The following PLCG2 variants were observed in gnomAD, a reference collection of about 807,000 sequenced individuals.
The protein encoded by PLCG2 is 1-phosphatidylinositol 4,5-bisphosphate phosphodiesterase gamma-2.
Under a neutral mutation model 175.6 loss-of-function variants are expected in PLCG2, and 69 were observed. That is an observed-to-expected ratio of 0.39 (90% confidence interval 0.32 to 0.48). The LOEUF (loss-of-function observed/expected upper bound fraction) is 0.48. PLCG2 is among the 20% of genes least tolerant of loss of function. PLCG2 has a pLI of 0.91. For missense variants in PLCG2, 1,798 were observed against 1,650.9 expected (o/e 1.09, Z -1.54); for synonymous variants, 827 against 624.0 (o/e 1.33, Z -4.85).
chr16:81,769,629 A>T (rs1910230212), intron 2 of PLCG2, among the ~76,000 whole-genome samples: 1 of 151,924 alleles, frequency 6.6e-6, no homozygotes, highest in South Asian at 2.1e-4. Flanking sequence ...CCCGGCTAAA[A>T]AAACGGTGAA....
chr16:81,764,526 T>A (rs1399221530), intron 2 of PLCG2, among the ~76,000 whole-genome samples: 1 of 152,226 alleles, frequency 6.6e-6, no homozygotes, highest in Admixed American at 6.5e-5. Flanking sequence ...GCGACACTGA[T>A]CACTGGCCAA....
intron 30 of PLCG2, among the ~76,000 whole-genome samples, chr16:81,945,801 G>A (rs969910935): frequency 6.6e-6 from 1 of 152,160 alleles, no homozygotes; most frequent in Non-Finnish European, 1.5e-5. Context: ...GGCTGTAAGT[G>A]GAGGAAATGG....
At chr16:81,860,174 T>TATTATTATTATTTTTA in intron 5 of PLCG2, among the ~76,000 whole-genome samples, 1 of 96,616 alleles carries the variant, frequency 1.0e-5, no homozygotes, top group South Asian at 3.3e-4. Flanking sequence ...TTATTATTAT[T>TATTATTATTATTTTTA]TTTTTTTTTT....
intron 2 of PLCG2, among the ~76,000 whole-genome samples, chr16:81,772,668 A>C (rs4889379): frequency 0.28 from 41,948 of 150,034 alleles, 6,770 homozygotes; most frequent in East Asian, 0.54. Context: ...AAAAAAAAAA[A>C]AAAGCTGGGT....
At chr16:81,853,068 C>T (rs577559591) in intron 2 of PLCG2, among the ~76,000 whole-genome samples, 5 of 152,192 alleles carry the variant, frequency 3.3e-5, no homozygotes, top group Non-Finnish European at 5.9e-5. Flanking sequence ...CGCTGGCTCA[C>T]GCCTGTAATC....
intron 30 of PLCG2, among the ~76,000 whole-genome samples, chr16:81,944,886 C>G (rs919036502): frequency 6.6e-6 from 1 of 152,056 alleles, no homozygotes; most frequent in African/African-American, 2.4e-5. Flanking sequence ...GTAAAAGTTT[C>G]GTACAATCTA....
intron 2 of PLCG2, among the ~76,000 whole-genome samples, chr16:81,832,110 G>C (rs541185574): frequency 1.1e-4 from 16 of 152,082 alleles, no homozygotes; most frequent in Middle Eastern, 3.4e-3. Flanking sequence ...AATGGAGGGG[G>C]GGAATAGTGA....
At chr16:81,891,392 G>C (rs553386753) in intron 10 of PLCG2, 80 bp from the exon 11 acceptor site, 2 of 831,894 alleles carry the variant, frequency 2.4e-6, no homozygotes, top group East Asian at 2.4e-5. Flanking sequence ...CTTCCCCCCT[G>C]GTGGGCGCAG....
chr16:81,906,513 C>T (rs1430751406), intron 15 of PLCG2: 2 of 152,238 alleles, frequency 1.3e-5, no homozygotes, highest in Admixed American at 6.5e-5. Context: ...CAGACTCCAC[C>T]TCCCGGTTGA....
In PLCG2 at chr16:81,919,653, C is replaced by A; in HGVS notation, c.2224C>A (p.Arg742Ser). Residue 742 changes from arginine to serine, a missense_variant, in exon 20 of 33, where the codon CGC (arginine) becomes AGC (serine). Arg to Ser is a moderately radical substitution (Grantham distance 110). Transcript: ENST00000564138. ...CCCCGTGACCCCCGAGCTCCTGGAG[C>A]GCTACAATATGGTAGGTGGTGGACT... is the stretch of plus-strand genomic sequence containing the variant. Reference protein sequence around the residue: ...RYPVTPELLERYNMERDINSL... With the variant: ...RYPVTPELLESYNMERDINSL... 1 of 1,613,520 alleles carries A rather than the reference C, an allele frequency of 6.2e-7. No homozygotes were observed. The highest frequency in any genetic ancestry group is 8.5e-7 in the Non-Finnish European group (1 of 1,179,552).
At chr16:81,809,096 C>T (rs1172602312) in intron 2 of PLCG2, among the ~76,000 whole-genome samples, 1 of 152,150 alleles carries the variant, frequency 6.6e-6, no homozygotes, top group African/African-American at 2.4e-5. Context: ...TAAGCCAGGC[C>T]TGGTCTCTCT....
At chr16:81,827,884 A>G (rs1905107109) in intron 2 of PLCG2, among the ~76,000 whole-genome samples, 1 of 152,092 alleles carries the variant, frequency 6.6e-6, no homozygotes, top group African/African-American at 2.4e-5. Flanking sequence ...TGAGGTCGGG[A>G]GTTCAAGTCC....
chr16:81,797,293 A>G (rs1597323858), intron 2 of PLCG2, among the ~76,000 whole-genome samples: 1 of 150,908 alleles, frequency 6.6e-6, no homozygotes, highest in African/African-American at 2.4e-5. Flanking sequence ...AAAAAAAAAA[A>G]TTATCTCCAC....
At chr16:81,826,923 C>T (rs113495987) in intron 2 of PLCG2, among the ~76,000 whole-genome samples, 90 of 152,280 alleles carry the variant, frequency 5.9e-4, no homozygotes, top group African/African-American at 8.9e-4. Context: ...GCTGGAGATC[C>T]GCAGAACCAG....
Position 81,900,523 on chromosome 16 carries a change from G to A in PLCG2, c.1194-89G>A, listed in dbSNP as rs370195947. 362 of 1,239,252 alleles carry A rather than the reference G, an allele frequency of 2.9e-4. 1 individual carries two copies. In the African/African-American group the frequency reaches 4.6e-3, roughly 16 times the overall value. The allele number at this position is 1,239,252 out of a possible 1,614,324, so 76.8% of individuals were successfully genotyped here. ...CCCCGAGCAGCGCCCGGTTTCTGTC[G>A]TCCCAGGGAGCTGCCCTGGCCCCTC... is the stretch of plus-strand genomic sequence containing the variant. On this transcript the variant is annotated intron_variant, in intron 13 of 32. Transcript: ENST00000564138.
intron 1 of PLCG2, chr16:81,740,537 T>G (rs4544235): frequency 0.48 from 71,989 of 151,352 alleles, 19,561 homozygotes; most frequent in East Asian, 0.73. Context: ...AGTCGGGAGT[T>G]TGAGACCAGC....
intron 7 of PLCG2, among the ~76,000 whole-genome samples, chr16:81,876,249 C>G (rs904910166): frequency 6.6e-6 from 1 of 152,062 alleles, no homozygotes; most frequent in Non-Finnish European, 1.5e-5. Flanking sequence ...GCTTGAACTC[C>G]TGGGCTCAAG....
At chr16:81,891,376 G>A (rs1013466566) in intron 10 of PLCG2, 96 bp from the exon 11 acceptor site, 4 of 765,892 alleles carry the variant, frequency 5.2e-6, no homozygotes, top group African/African-American at 1.7e-5. Flanking sequence ...CCGCATCAGA[G>A]CTGTTCTTCC....
chr16:81,778,056 A>AAAAAAAAAAAC (rs1910517897), upstream of PLCG2, among the ~76,000 whole-genome samples: 1 of 103,936 alleles, frequency 9.6e-6, no homozygotes. Context: ...AAAAAAAAAC[A>AAAAAAAAAAAC]AAAAAAACCA....
Sources: gnomAD v4.1 joint callset for allele counts (sites outside exome capture counted in the v4.1 genomes callset) on GRCh38, gnomAD v4.1.1 for gene constraint, MANE v1.5 for transcripts, NCBI Gene and HGNC (gene_info 2026-07-23, HGNC 2026-07-21) for gene names.